LENG8: variants seen among roughly 807,000 people sequenced by gnomAD.
LENG8 encodes the protein leukocyte receptor cluster member 8.
In LENG8, 28 loss-of-function variants were observed where a neutral mutation model predicts 102.1. The observed-to-expected ratio is 0.27, with a 90% CI of 0.20 to 0.38. LENG8 has a LOEUF of 0.38. Among genes scored for constraint, LENG8 ranks in the 10% least tolerant of loss-of-function variants. The pLI is 1.00. For missense variants in LENG8, 1,022 were observed against 1,113.9 expected (o/e 0.92, Z 1.17); for synonymous variants, 531 against 456.7 (o/e 1.16, Z -2.07).
rs1460220654 is a variant in LENG8 at position 54,461,030 on chromosome 19, G to A, written c.*102G>A. 6.6e-7 allele frequency: 1 copy of A among 1,504,530 alleles called. No individual in the cohort carries two copies. 93.2% of individuals were successfully genotyped at this position (1,504,530 alleles called of 1,614,324 possible). A position where few individuals can be genotyped will look rare whatever the true frequency, so the allele number is the denominator to read the frequency against. On this transcript the variant is annotated 3_prime_UTR_variant, in exon 16 of 16. Transcript: ENST00000326764. ...GACTTGGGTTGTAAATTTATTTGTG[G>A]GGAGTGCGCTCCAGGAAGAGCCACC...
Position 54,461,763 on chromosome 19 carries a change from T to A in LENG8, c.*835T>A, listed in dbSNP as rs372123870. The A allele has an allele frequency of 3.6e-6, 2 of 559,092 alleles. No individual in the cohort carries two copies. The highest frequency in any genetic ancestry group is 7.0e-6 in the Non-Finnish European group (2 of 284,774). 34.6% of individuals were successfully genotyped at this position (559,092 alleles called of 1,614,324 possible). A position where few individuals can be genotyped will look rare whatever the true frequency, so the allele number is the denominator to read the frequency against. Reference sequence around the variant, plus strand: ...TCTCTTTTCTTTGTGTGTGTGTTTATTTAAGTTATTTTTCTTCCTCCTCTC... The same window carrying A: ...TCTCTTTTCTTTGTGTGTGTGTTTAATTAAGTTATTTTTCTTCCTCCTCTC... On this transcript the variant is annotated 3_prime_UTR_variant, in exon 16 of 16. Transcript: ENST00000326764.
At chr19:54,453,771 C>T in intron 5 of LENG8, 115 bp downstream of exon 5, 1 of 720,556 alleles carries the variant, frequency 1.4e-6, no homozygotes, top group Non-Finnish European at 2.3e-6. Flanking sequence ...TCCTTCCAAG[C>T]AACTCCTGAT....
intron 1 of LENG8, among the ~76,000 whole-genome samples, chr19:54,450,434 C>T (rs777102949): frequency 6.6e-5 from 10 of 152,140 alleles, no homozygotes; most frequent in Non-Finnish European, 1.5e-4. Context: ...CCCTTTTCCT[C>T]TCAAAATTTT....
rs1474680735 is a variant in LENG8 at position 54,456,062 on chromosome 19, G to C, written c.1121G>C (p.Arg374Thr). 6.2e-7 allele frequency: 1 copy of C among 1,610,132 alleles called. No individual in the cohort carries two copies. Among genetic ancestry groups the C allele is most frequent in the African/African-American group, 1.3e-5 (1 of 74,818 alleles). ...CCTAGAGGGGCAGGCTCGGCGACAAGGGGCGGGGGTGCCCCGTCCCAGCGA... is the reference window on the plus strand; with the variant it reads ...CCTAGAGGGGCAGGCTCGGCGACAACGGGCGGGGGTGCCCCGTCCCAGCGA... ...HPPRGAGSAT[R>T]GGGAPSQRGT... The change falls in exon 9 of 16, where the codon AGG (arginine) becomes ACG (threonine). Residue 374 changes from arginine to threonine, a missense_variant. By Grantham distance (71) the Arg-to-Thr change is moderately conservative. Coordinates refer to ENST00000326764, the MANE Select transcript of LENG8 (RefSeq NM_052925.4).
chr19:54,459,765 T>C, intron 15 of LENG8: 5 of 1,076,082 alleles, frequency 4.6e-6, no homozygotes, highest in Non-Finnish European at 5.7e-6. Context: ...TGAGCCAGGG[T>C]AGGAGTCACA....
chr19:54,460,948 GGGGGCA>G lies in LENG8; in HGVS notation c.*26_*31del, dbSNP rs1569310766. ...TTCTGAGCACCCAGCGAGGAGGGGC[GGGGGCA>G]GGGGCTGCAGCCCCCAGCGCTGCCT... On this transcript the variant is annotated 3_prime_UTR_variant, in exon 16 of 16. Transcript: ENST00000326764. 3 of 1,526,034 alleles carry G rather than the reference GGGGGCA, an allele frequency of 2.0e-6. No individual in the cohort carries two copies. The highest frequency in any genetic ancestry group is 2.6e-6 in the Non-Finnish European group (3 of 1,138,980). 94.5% of individuals were successfully genotyped at this position (1,526,034 alleles called of 1,614,324 possible). A position where few individuals can be genotyped will look rare whatever the true frequency, so the allele number is the denominator to read the frequency against.
chr19:54,451,250 C>A, intron 1 of LENG8, 40 bp from the exon 2 acceptor site: 1 of 1,298,642 alleles, frequency 7.7e-7, no homozygotes, highest in Non-Finnish European at 1.1e-6. Context: ...GTGTTTTTAG[C>A]TCCCCCTTAA....
chr19:54,460,188 CTG>C, intron 15 of LENG8: 1 of 1,289,932 alleles, frequency 7.8e-7, no homozygotes, highest in Non-Finnish European at 1.0e-6. Context: ...GCCTGGGTTC[CTG>C]TGTGTGTGGA....
At chr19:54,459,134 T>G in intron 15 of LENG8, 1 of 1,308,512 alleles carries the variant, frequency 7.6e-7, no homozygotes, top group Non-Finnish European at 9.7e-7. Context: ...AGACGCATGG[T>G]TCTGTCTGGT....
intron 10 of LENG8, 77 bp downstream of exon 10, chr19:54,456,542 G>C: frequency 6.5e-7 from 1 of 1,536,782 alleles, no homozygotes; most frequent in Non-Finnish European, 8.7e-7. Flanking sequence ...AGGAGGAGGA[G>C]GGCCGGACAG....
chr19:54,458,074 TCTC>T, intron 13 of LENG8, 26 bp from the exon 14 acceptor site: 1 of 1,612,046 alleles, frequency 6.2e-7, no homozygotes, highest in Non-Finnish European at 8.5e-7. Flanking sequence ...CTCACTCTGC[TCTC>T]CTCCCTCGGT....
intron 15 of LENG8, 101 bp from the exon 16 acceptor site, chr19:54,460,665 A>C (rs1600016182): frequency 1.4e-6 from 2 of 1,449,080 alleles, no homozygotes; most frequent in East Asian, 5.0e-5. Context: ...TGTGCTGAGG[A>C]AATCCTGTGG....
chr19:54,458,555 C>A (rs771258974), intron 15 of LENG8, 34 bp downstream of exon 15: 1 of 1,613,336 alleles, frequency 6.2e-7, no homozygotes, highest in South Asian at 1.1e-5. Flanking sequence ...TGCCTTTGCT[C>A]TTCCCATCCT....
rs1235639964 is a variant in LENG8, at chr19:54,456,408, G to T, written c.1388G>T (p.Arg463Leu). ...CGCAGGAACCCGCCCCCTAAGGGCC[G>T]GGGCGGTCGAGGGGCCCATATGGAT... ...VGRRNPPPKGRGGRGAHMDRG... is the reference protein window; with the variant it reads ...VGRRNPPPKGLGGRGAHMDRG... The change falls in exon 10 of 16, where the codon CGG becomes CTG. Residue 463 changes from arginine to leucine, a missense_variant. Physicochemically the swap from Arg to Leu is moderately radical, Grantham distance 102. This residue lies in a region of LENG8 where 326 missense variants were observed against 324.5 expected (regional missense o/e 1.00). Coordinates refer to ENST00000326764, the MANE Select transcript of LENG8 (RefSeq NM_052925.4). 2 of 1,610,726 alleles carry T rather than the reference G, an allele frequency of 1.2e-6. No homozygotes were observed. Among genetic ancestry groups the T allele is most frequent in the Non-Finnish European group, 1.7e-6 (2 of 1,179,870 alleles).
At chr19:54,460,296 C>G in intron 15 of LENG8, 1 of 1,252,984 alleles carries the variant, frequency 8.0e-7, no homozygotes, top group Non-Finnish European at 1.0e-6. Flanking sequence ...TAGCAGCAGC[C>G]GGAAGTGACT....
Position 54,457,923 on chromosome 19 carries a change from C to T in LENG8, c.1834-11C>T, listed in dbSNP as rs376917455. On this transcript the variant is annotated splice_polypyrimidine_tract_variant and intron_variant, in intron 12 of 15. Transcript: ENST00000326764. ...CTCCTTGTGACTCTTGTTCTCGCCC[C>T]GCTGCCCCAGGTGCAGGGCATCCGC... 1.2e-4 allele frequency: 186 copies of T among 1,613,984 alleles called. No homozygotes were observed. Among genetic ancestry groups the T allele is most frequent in the Middle Eastern group, 3.3e-4 (2 of 6,062 alleles).
intron 15 of LENG8, chr19:54,459,878 G>A (rs2123206585): frequency 1.7e-6 from 2 of 1,169,480 alleles, no homozygotes; most frequent in South Asian, 3.2e-5. Context: ...CTGCCATGAT[G>A]GGCCCCATGA....
chr19:54,454,442 G>T lies in LENG8; in HGVS notation c.439G>T (p.Gly147Cys), dbSNP rs964005888. Reference protein sequence around the residue: ...QGTLNQPPVPGMDESMSYQAP... With the variant: ...QGTLNQPPVPCMDESMSYQAP... ...CTTCCTTCTGCAGCCCCCAGTCCCC[G>T]GCATGGATGAGAGCATGTCCTACCA... The change falls in exon 6 of 16, where the codon GGC becomes TGC. Residue 147 changes from glycine (G) to cysteine (C), a missense_variant. This residue lies in a region of LENG8 where 343 missense variants were observed against 320.2 expected (regional missense o/e 1.07). Transcript: ENST00000326764. The T allele has an allele frequency of 6.2e-7, 1 of 1,607,532 alleles. No individual in the cohort carries two copies. Among genetic ancestry groups the T allele is most frequent in the East Asian group, 2.2e-5 (1 of 44,752 alleles).
At position 54,452,680 on chromosome 19, in the gene LENG8, G is replaced by A. The variant is rs1385134354; in HGVS notation, c.243G>A (p.Leu81=). The change falls in exon 4 of 16, where the codon TTG becomes TTA. Residue 81 remains leucine (L), a synonymous_variant. Coordinates refer to ENST00000326764, the MANE Select transcript of LENG8 (RefSeq NM_052925.4). ...TGTCCCAGGCAGAAGCCTCAGCTTT[G>A]CAGCAGCAGCAGTACTACCAGTGGT... ...QYVSQAEASA[L]QQQQYYQWYQ... The A allele has an allele frequency of 5.6e-6, 9 of 1,607,284 alleles. No homozygotes were observed. Among genetic ancestry groups the A allele is most frequent in the African/African-American group, 1.3e-5 (1 of 74,778 alleles).
Sources: gnomAD v4.1 joint callset for allele counts (sites outside exome capture counted in the v4.1 genomes callset) on GRCh38, gnomAD v4.1.1 for gene constraint, gnomAD v4.1.1 regional missense constraint, MANE v1.5 for transcripts, NCBI Gene and HGNC (gene_info 2026-07-23, HGNC 2026-07-21) for gene names.